GDPD5: variants seen among roughly 807,000 people sequenced by gnomAD.
The protein encoded by GDPD5 is glycerophosphodiester phosphodiesterase 2.
GDPD5 carries 48 observed loss-of-function variants against 75.1 expected under a neutral mutation model. That is an observed-to-expected ratio of 0.64 (90% CI 0.51 to 0.81). The LOEUF (loss-of-function observed/expected upper bound fraction) is 0.81, where lower values mean the gene tolerates loss of function less well. GDPD5 is among the 40% of genes least tolerant of loss of function. The pLI, the probability that GDPD5 is intolerant of heterozygous loss-of-function variation, is 0.00. For missense variants in GDPD5, 706 were observed against 822.6 expected (o/e 0.86, Z 1.73); for synonymous variants, 336 against 339.0 (o/e 0.99, Z 0.10).
At position 75,444,428 on chromosome 11, in the gene GDPD5, G is replaced by T. The variant is rs760014064; in HGVS notation, c.782C>A (p.Ala261Asp). The T allele has an allele frequency of 6.2e-7, 1 of 1,613,152 alleles. No individual in the cohort carries two copies. Among genetic ancestry groups the T allele is most frequent in the Admixed American group, 1.7e-5 (1 of 60,018 alleles). ...CTACACCTACCTGATGGTAATGTCAGCCTGGAGCCCGTACAGCTTCTGCTC... is the reference window on the plus strand; with the variant it reads ...CTACACCTACCTGATGGTAATGTCATCCTGGAGCCCGTACAGCTTCTGCTC... ...ALEQKLYGLQ[A>D]DITISLDGVP... The change falls in exon 10 of 17, where the codon GCT becomes GAT. Residue 261 changes from alanine to aspartate, a missense_variant. Coordinates refer to ENST00000336898, the MANE Select transcript of GDPD5 (RefSeq NM_030792.8).
At chr11:75,503,540 C>T (rs1478976598) in intron 1 of GDPD5, among the ~76,000 whole-genome samples, 2 of 152,234 alleles carry the variant, frequency 1.3e-5, no homozygotes, top group East Asian at 1.9e-4. Flanking sequence ...CTATTCACTG[C>T]TATGCCATAC....
At chr11:75,441,371 GGGGC>G (rs1490092387) in intron 13 of GDPD5, 61 bp from the exon 14 acceptor site, 2 of 1,598,572 alleles carry the variant, frequency 1.3e-6, no homozygotes, top group Admixed American at 3.3e-5. Context: ...GCCCAGTGTC[GGGGC>G]TGGTAAAGCA....
intron 9 of GDPD5, 142 bp downstream of exon 9, chr11:75,448,835 C>A: frequency 8.5e-7 from 1 of 1,181,120 alleles, no homozygotes; most frequent in Non-Finnish European, 1.1e-6. Context: ...GCACTCCCGG[C>A]CTTTTTGCCA....
chr11:75,484,720 TAA>T (rs1183510868), intron 2 of GDPD5, among the ~76,000 whole-genome samples: 1 of 151,984 alleles, frequency 6.6e-6, no homozygotes, highest in East Asian at 1.9e-4. Context: ...CCTCCATCTC[TAA>T]AAAAATAAAT....
chr11:75,476,257 T>C (rs1949775049), intron 3 of GDPD5, among the ~76,000 whole-genome samples: 1 of 152,100 alleles, frequency 6.6e-6, no homozygotes, highest in African/African-American at 2.4e-5. Flanking sequence ...ATGGAGAGGC[T>C]GAGGCTTGGG....
chr11:75,518,202 T>C (rs1950684333), intron 1 of GDPD5, among the ~76,000 whole-genome samples: 2 of 152,166 alleles, frequency 1.3e-5, no homozygotes, highest in Non-Finnish European at 2.9e-5. Flanking sequence ...GAGATCGTTA[T>C]TGTCATTTTT....
intron 1 of GDPD5, among the ~76,000 whole-genome samples, chr11:75,517,106 G>A (rs75492924): frequency 0.016 from 2,475 of 152,242 alleles, 61 homozygotes; most frequent in African/African-American, 0.055. Context: ...GGTAAATGGA[G>A]GTTGCTAGGT....
At chr11:75,444,561 A>G (rs904644537) in intron 9 of GDPD5, 66 bp from the exon 10 acceptor site, 1 of 1,232,296 alleles carries the variant, frequency 8.1e-7, no homozygotes, top group Non-Finnish European at 1.2e-6. Context: ...CAGCCAATGG[A>G]AAGTCTTTCA....
intron 2 of GDPD5, among the ~76,000 whole-genome samples, chr11:75,479,718 A>C (rs1949862755): frequency 6.7e-6 from 1 of 149,596 alleles, no homozygotes; most frequent in Non-Finnish European, 1.5e-5. Context: ...CCCTGGCTTC[A>C]CTCCTCTGGC....
intron 3 of GDPD5, 69 bp downstream of exon 3, chr11:75,477,550 C>T: frequency 1.0e-6 from 1 of 995,878 alleles, no homozygotes; most frequent in Non-Finnish European, 1.5e-6. Context: ...GAGCTAAGAC[C>T]CCTCCCCCAG....
intron 1 of GDPD5, among the ~76,000 whole-genome samples, chr11:75,493,906 AAC>A (rs1225350585): frequency 6.6e-6 from 1 of 152,198 alleles, no homozygotes; most frequent in Non-Finnish European, 1.5e-5. Flanking sequence ...GTGGCTGAGG[AAC>A]ATCTTACAAC....
intron 3 of GDPD5, among the ~76,000 whole-genome samples, chr11:75,471,296 G>A (rs1949659220): frequency 6.6e-6 from 1 of 152,212 alleles, no homozygotes; most frequent in Admixed American, 6.5e-5. Flanking sequence ...GGCCTGGGGA[G>A]GTTGAAGAGA....
intron 3 of GDPD5, among the ~76,000 whole-genome samples, chr11:75,475,334 C>A (rs899169373): frequency 1.3e-5 from 2 of 152,048 alleles, no homozygotes; most frequent in South Asian, 4.2e-4. Context: ...ACCAGGCTCA[C>A]TGGAAGAGCC....
intron 1 of GDPD5, among the ~76,000 whole-genome samples, chr11:75,502,636 C>T (rs1950320618): frequency 6.6e-6 from 1 of 152,206 alleles, no homozygotes; most frequent in Non-Finnish European, 1.5e-5. Context: ...CTCTGTCCCC[C>T]CACTTGAATC....
intron 1 of GDPD5, among the ~76,000 whole-genome samples, chr11:75,495,893 T>A (rs1950199840): frequency 6.6e-6 from 1 of 152,242 alleles, no homozygotes; most frequent in African/African-American, 2.4e-5. Context: ...TGCTTGTCTG[T>A]CAGCCAGCCC....
intron 10 of GDPD5, 152 bp from the exon 11 acceptor site, chr11:75,443,438 G>A: frequency 1.1e-6 from 1 of 889,436 alleles, no homozygotes; most frequent in Non-Finnish European, 1.7e-6. Context: ...TCTGCACAGG[G>A]AAGACAGTGG....
At chr11:75,497,394 C>T (rs1950230617) in intron 1 of GDPD5, among the ~76,000 whole-genome samples, 1 of 152,172 alleles carries the variant, frequency 6.6e-6, no homozygotes, top group South Asian at 2.1e-4. Context: ...GCTGGACCCA[C>T]CACAGGCAGC....
Position 75,434,741 on chromosome 11 carries a change from A to G in GDPD5, c.*766T>C, listed in dbSNP as rs1233814284. ...CCCTGGCCATATCCAGAACACTTCT[A>G]CCAGGTGGGCCCTGCCCTGTGGCCA... On this transcript the variant is annotated 3_prime_UTR_variant, in exon 17 of 17. Coordinates refer to ENST00000336898, the MANE Select transcript of GDPD5 (RefSeq NM_030792.8). The G allele has an allele frequency of 6.6e-6, 1 of 152,294 alleles. No individual in the cohort carries two copies. Among genetic ancestry groups the G allele is most frequent in the African/African-American group, 2.4e-5 (1 of 41,462 alleles). 9.4% of individuals were successfully genotyped at this position (152,294 alleles called of 1,614,324 possible). A position where few individuals can be genotyped will look rare whatever the true frequency, so the allele number is the denominator to read the frequency against.
chr11:75,478,726 A>C (rs1949836521), intron 2 of GDPD5, among the ~76,000 whole-genome samples: 1 of 152,238 alleles, frequency 6.6e-6, no homozygotes, highest in Non-Finnish European at 1.5e-5. Context: ...AGAAATTATC[A>C]TATAAGCTGA....
Sources: gnomAD v4.1 joint callset for allele counts (sites outside exome capture counted in the v4.1 genomes callset) on GRCh38, gnomAD v4.1.1 for gene constraint, MANE v1.5 for transcripts, NCBI Gene and HGNC (gene_info 2026-07-23, HGNC 2026-07-21) for gene names.